The following MYH9 variants were observed in gnomAD, a reference collection of about 807,000 sequenced individuals.
The protein encoded by MYH9 is myosin heavy chain 9.
Under a neutral mutation model 241.9 loss-of-function variants are expected in MYH9, and 29 were observed. The observed-to-expected ratio is 0.12, with a 90% CI of 0.09 to 0.16. MYH9 has a LOEUF of 0.16. Among genes scored for constraint, MYH9 ranks in the 10% least tolerant of loss-of-function variants. The pLI is 1.00. For synonymous variants in MYH9, 1,047 were observed against 1,062.6 expected (o/e 0.99, Z 0.29); for missense variants, 1,803 against 2,595.5 (o/e 0.69, Z 6.63).
rs1329101995 is a variant in MYH9 at position 36,300,367 on chromosome 22, A to T, written c.2839-103T>A. On this transcript the variant is annotated intron_variant, in intron 22 of 40. Transcript: ENST00000216181. The surrounding 1 kb of genome is among the most constrained non-coding windows in gnomAD (Gnocchi z 5.0). ...CAGATCCAAACGCCAAGGAGAAAAT[A>T]GCAAGGTCTGTGAGCCCAGGGCCAT... is the stretch of plus-strand genomic sequence containing the variant. 30 of 1,539,870 alleles carry T rather than the reference A, an allele frequency of 1.9e-5. No individual in the cohort carries two copies. The highest frequency in any genetic ancestry group is 2.7e-5 in the Non-Finnish European group (30 of 1,128,042).
chr22:36,296,125 G>T, intron 25 of MYH9, among the ~76,000 whole-genome samples: 1 of 152,252 alleles, frequency 6.6e-6, no homozygotes, highest in East Asian at 1.9e-4. Flanking sequence ...ACACAGCACT[G>T]TGGTAGGGGA....
chr22:36,285,320 T>A lies in MYH9; in HGVS notation c.5284A>T (p.Ile1762Phe). The change falls in exon 38 of 41, where the codon ATC (isoleucine) becomes TTC (phenylalanine). Residue 1762 changes from isoleucine to phenylalanine, a missense_variant. This residue lies in a region of MYH9 where 876 missense variants were observed against 1,077.8 expected (regional missense o/e 0.81). Coordinates refer to ENST00000216181, the MANE Select transcript of MYH9 (RefSeq NM_002473.6). The surrounding 1 kb of genome is among the most constrained non-coding windows in gnomAD (Gnocchi z 7.0). ...LKKANLQIDQ[I>F]NTDLNLERSH... ...CGCTCCAGGTTCAGGTCGGTGTTGA[T>A]CTGGTCGATCTGCAGAAGAAGGGCC... The A allele has an allele frequency of 6.2e-7, 1 of 1,609,316 alleles. No homozygotes were observed. The highest frequency in any genetic ancestry group is 1.3e-5 in the African/African-American group (1 of 75,012).
chr22:36,310,833 A>AATGATGAG (rs1343887277), intron 14 of MYH9, among the ~76,000 whole-genome samples: 224 of 152,368 alleles, frequency 1.5e-3, no homozygotes, highest in African/African-American at 5.1e-3. Context: ...AAGCTTCTGC[A>AATGATGAG]CTGATGAGCG....
At position 36,321,807 on chromosome 22, in the gene MYH9, G is replaced by A. The variant is rs556214390; in HGVS notation, c.720C>T (p.Arg240=). ...TGTAGCCATTGACATCAAAGTTGAT[G>A]CGAATGAATTTGCCCTAAGTAAGAA... The part of the protein sequence containing the change: ...DNSSRFGKFI[R]INFDVNGYIV... Residue 240 remains arginine (R), a synonymous_variant, in exon 7 of 41, where the codon CGC becomes CGT. Transcript: ENST00000216181. 8.7e-5 allele frequency: 140 copies of A among 1,614,114 alleles called. No homozygotes were observed. The South Asian group carries it at 1.1e-3, about 13-fold the overall frequency.
rs2016972595 is a variant in MYH9, at chr22:36,306,515, C to T, written c.1936G>A (p.Val646Met). 1.9e-6 allele frequency: 3 copies of T among 1,614,040 alleles called. No individual in the cohort carries two copies. The part of the protein sequence containing the change: ...FKTRKGMFRT[V>M]GQLYKEQLAK... The stretch of plus-strand genomic sequence containing the variant: ...AGCTGCTCCTTGTAAAGCTGCCCCA[C>T]AGTGCGGAACATGCCCTTCCGCGTC... The change falls in exon 16 of 41, where the codon GTG (valine) becomes ATG (methionine). Residue 646 changes from valine to methionine, a missense_variant. By Grantham distance (21) the Val-to-Met change is conservative (BLOSUM62 1). Transcript: ENST00000216181. This position sits in a 1 kb window ranked among gnomAD's most constrained non-coding sequence, Gnocchi z 4.1.
At chr22:36,379,722 C>A (rs1172768066) in intron 1 of MYH9, among the ~76,000 whole-genome samples, 1 of 152,174 alleles carries the variant, frequency 6.6e-6, no homozygotes, top group Non-Finnish European at 1.5e-5. Context: ...GGAAGCCACA[C>A]CCTTCCGGAA....
intron 2 of MYH9, 136 bp downstream of exon 2, chr22:36,348,768 C>A: frequency 1.2e-6 from 1 of 812,240 alleles, no homozygotes; most frequent in Non-Finnish European, 2.1e-6. Context: ...AGGATGTCAC[C>A]CCAGCACTCC....
chr22:36,353,134 T>TG (rs2017799151), intron 1 of MYH9, among the ~76,000 whole-genome samples: 2 of 149,652 alleles, frequency 1.3e-5, no homozygotes, highest in Non-Finnish European at 3.0e-5. Context: ...TGTGTGTGTA[T>TG]AAGTGTGTTC....
At chr22:36,283,975 G>A (rs2016535650) in intron 40 of MYH9, 118 bp downstream of exon 40, 9 of 1,249,492 alleles carry the variant, frequency 7.2e-6, no homozygotes, top group African/African-American at 2.9e-5. Flanking sequence ...GGCAGGGATT[G>A]CTTTGTGCAG....
At chr22:36,282,831 CA>C (rs2016515456) in intron 40 of MYH9, 46 bp from the exon 41 acceptor site, 2 of 1,529,734 alleles carry the variant, frequency 1.3e-6, no homozygotes, top group Non-Finnish European at 1.8e-6. Context: ...CCGGCCAGGC[CA>C]GGGGCGGCCA....
At chr22:36,364,977 C>G (rs1169570807) in intron 1 of MYH9, 2 of 152,074 alleles carry the variant, frequency 1.3e-5, no homozygotes, top group African/African-American at 4.8e-5. Context: ...GTGGGTCTAG[C>G]TGACAGCCCC....
rs1327289053 is a variant in MYH9 at position 36,306,599 on chromosome 22, T to A, written c.1852A>T (p.Ile618Phe). The change falls in exon 16 of 41, where the codon ATC (isoleucine) becomes TTC (phenylalanine). Residue 618 changes from isoleucine to phenylalanine, a missense_variant. This residue lies in a region of MYH9 where 163 missense variants were observed against 349.7 expected (regional missense o/e 0.47). Coordinates refer to ENST00000216181, the MANE Select transcript of MYH9 (RefSeq NM_002473.6). This position sits in a 1 kb window ranked among gnomAD's most constrained non-coding sequence, Gnocchi z 4.1. ...CCGGCCACCTGGTCCAGGCCGATGA[T>A]GCGGTCCACTGTGGAGACCACAGAG... Reference protein sequence around the residue: ...VSELWKDVDRIIGLDQVAGMS... With the variant: ...VSELWKDVDRFIGLDQVAGMS... 6.2e-7 allele frequency: 1 copy of A among 1,612,868 alleles called. No homozygotes were observed. The highest frequency in any genetic ancestry group is 1.1e-5 in the South Asian group (1 of 91,014).
chr22:36,298,771 T>TA (rs1302318288), intron 24 of MYH9, 148 bp downstream of exon 24: 1 of 1,254,700 alleles, frequency 8.0e-7, no homozygotes, highest in Non-Finnish European at 1.1e-6. Context: ...ACCTCAGGTC[T>TA]AAAGGGCAGC....
In MYH9 at chr22:36,321,635, A is replaced by C. The variant is rs543083779; in HGVS notation, c.769+123T>G. 34 of 905,918 alleles carry C rather than the reference A, an allele frequency of 3.8e-5. No individual in the cohort carries two copies. The African/African-American group carries it at 4.2e-4, about 11-fold the overall frequency. The allele number at this position is 905,918 out of a possible 1,614,324, so 56.1% of individuals were successfully genotyped here. A position where few individuals can be genotyped will look rare whatever the true frequency, so the allele number is the denominator to read the frequency against. Reference sequence around the variant, plus strand: ...TCCTGACAGTCCCCTAGCTCCACAGAGAAGGTGTCAGGATGGGCCCATAAA... The same window carrying C: ...TCCTGACAGTCCCCTAGCTCCACAGCGAAGGTGTCAGGATGGGCCCATAAA... On this transcript the variant is annotated intron_variant, in intron 7 of 40. Coordinates refer to ENST00000216181, the MANE Select transcript of MYH9 (RefSeq NM_002473.6).
chr22:36,289,336 GC>G, intron 31 of MYH9, 39 bp from the exon 32 acceptor site: 2 of 1,566,020 alleles, frequency 1.3e-6, no homozygotes. Context: ...CAGAGCTACG[GC>G]CCCCAGCAGG....
rs569718443 is a variant in MYH9 at position 36,348,982 on chromosome 22, G to A, written c.255C>T (p.Asp85=). 3.7e-4 allele frequency: 604 copies of A among 1,614,236 alleles called. 6 individuals are homozygous for A. The South Asian group carries it at 6.3e-3, about 17-fold the overall frequency. Residue 85 remains aspartate (D), a synonymous_variant, in exon 2 of 41, where the codon GAC becomes GAT. Transcript: ENST00000216181. The part of the protein sequence containing the change: ...MNPPKFSKVE[D]MAELTCLNEA... ...CGTTGAGGCACGTGAGCTCTGCCAT[G>A]TCCTCCACCTTGGAGAACTTGGGCG...
intron 1 of MYH9, among the ~76,000 whole-genome samples, chr22:36,380,179 A>G (rs1217029757): frequency 6.6e-6 from 1 of 152,094 alleles, no homozygotes; most frequent in Admixed American, 6.6e-5. Flanking sequence ...GGTCTTCCAG[A>G]CTTCACTCAG....
At chr22:36,382,777 T>C (rs1603484754) in intron 1 of MYH9, among the ~76,000 whole-genome samples, 1 of 152,090 alleles carries the variant, frequency 6.6e-6, no homozygotes, top group East Asian at 1.9e-4. Flanking sequence ...TACTCCAGCC[T>C]GGGCAACAGA....
chr22:36,314,586 A>G (rs1328730613), intron 12 of MYH9, among the ~76,000 whole-genome samples: 4 of 152,228 alleles, frequency 2.6e-5, no homozygotes, highest in Non-Finnish European at 4.4e-5. Flanking sequence ...GATTACAAAG[A>G]AAGTAGTTAT....
Sources: allele counts gnomAD v4.1 joint callset (sites outside exome capture counted in the v4.1 genomes callset), GRCh38; gene constraint gnomAD v4.1.1; regional missense constraint gnomAD v4.1.1; non-coding constraint Gnocchi (gnomAD v3.1); transcripts MANE v1.5; gene names NCBI Gene and HGNC (gene_info 2026-07-23, HGNC 2026-07-21).